Variants in XPO6 observed in about 807,000 individuals in gnomAD.
XPO6 encodes the protein exportin-6.
XPO6 carries 3 observed loss-of-function variants against 130.0 expected under a neutral mutation model. That is an observed-to-expected ratio of 0.02 (90% confidence interval 0.01 to 0.06). XPO6 has a LOEUF of 0.06. Among genes scored for constraint, XPO6 ranks in the 10% least tolerant of loss-of-function variants. The pLI is 1.00. For synonymous variants in XPO6, 524 were observed against 548.9 expected, an observed-to-expected ratio of 0.95 and a Z score of 0.63; for missense variants, 970 against 1,393.0, an observed-to-expected ratio of 0.70 and a Z score of 4.83.
In XPO6 at chr16:28,121,776, G is replaced by A. The variant is rs2087247497; in HGVS notation, c.1767-14C>T. ...ACTTTGACCAACCTGTTGGCAAAGA[G>A]GCAGGTAAACAAGAACATTCAGCTT... On this transcript the variant is annotated splice_polypyrimidine_tract_variant and intron_variant, in intron 13 of 23. Coordinates refer to ENST00000304658, the MANE Select transcript of XPO6 (RefSeq NM_015171.4). The A allele has an allele frequency of 6.3e-7, 1 of 1,576,156 alleles. No individual in the cohort carries two copies. The highest frequency in any genetic ancestry group is 8.7e-7 in the Non-Finnish European group (1 of 1,145,892).
chr16:28,202,166 T>C (rs918952595), intron 1 of XPO6, among the ~76,000 whole-genome samples: 3 of 152,170 alleles, frequency 2.0e-5, no homozygotes, highest in African/African-American at 7.2e-5. Flanking sequence ...AAGGTGTACT[T>C]TGGGAAGTCT....
chr16:28,172,831 T>C (rs2043474327), intron 4 of XPO6, among the ~76,000 whole-genome samples: 1 of 152,134 alleles, frequency 6.6e-6, no homozygotes, highest in South Asian at 2.1e-4. Context: ...GATCAAGTGA[T>C]GGTGAAATGG....
intron 17 of XPO6, 27 bp downstream of exon 17, chr16:28,111,790 A>G: frequency 6.2e-7 from 1 of 1,607,380 alleles, no homozygotes; most frequent in South Asian, 1.1e-5. Flanking sequence ...CTCCTTCCCC[A>G]GCTGTCCTAG....
intron 9 of XPO6, among the ~76,000 whole-genome samples, chr16:28,141,870 G>A (rs1038375141): frequency 6.6e-6 from 1 of 152,256 alleles, no homozygotes; most frequent in Non-Finnish European, 1.5e-5. Context: ...TGAGGCAGGA[G>A]AATGGTGTAA....
chr16:28,175,273 C>T (rs2043515530), intron 4 of XPO6, among the ~76,000 whole-genome samples: 3 of 152,130 alleles, frequency 2.0e-5, no homozygotes, highest in Admixed American at 1.3e-4. Flanking sequence ...CCTCTCACCT[C>T]GCCCCTCTGC....
At chr16:28,123,071 A>G (rs1379063736) in intron 13 of XPO6, among the ~76,000 whole-genome samples, 1 of 152,108 alleles carries the variant, frequency 6.6e-6, no homozygotes, top group Non-Finnish European at 1.5e-5. Flanking sequence ...GAAATGGGAA[A>G]TGCCTCTTTC....
chr16:28,156,262 C>T lies in XPO6; in HGVS notation c.909G>A (p.Gln303=). The T allele has an allele frequency of 6.2e-7, 1 of 1,614,176 alleles. No individual in the cohort carries two copies. The highest frequency in any genetic ancestry group is 8.5e-7 in the Non-Finnish European group (1 of 1,180,014). Residue 303 remains glutamine, a synonymous_variant, in exon 7 of 24, where the codon CAG becomes CAA. Coordinates refer to ENST00000304658, the MANE Select transcript of XPO6 (RefSeq NM_015171.4). ...CCAGGACCCCCAGCCGGCCGCGCTC[C>T]TGACCCGAGACACAGTTCTGGCTGC... ...NGSSQNCVSG[Q]ERGRLGVLAM... is the part of the protein sequence containing the mutation.
rs200663753 is a variant in XPO6, at chr16:28,209,640, C to CAA, written c.3+1724_3+1725dup. ...GGGCAACAACAGCTGAACTCCATCT[C>CAA]AAAAAAAAAAAAAAAAAAAGCATTA... On this transcript the variant is annotated intron_variant, in intron 1 of 23. Transcript: ENST00000304658. Among the ~76,000 whole-genome samples the CAA allele has an allele frequency of 2.8e-3, 121 of 42,850 alleles. 1 individual carries two copies. Among genetic ancestry groups the CAA allele is most frequent in the African/African-American group, 8.1e-3 (103 of 12,786 alleles). 28.1% of individuals were successfully genotyped at this position (42,850 alleles called of 152,430 possible).
chr16:28,166,588 A>AC lies in XPO6; in HGVS notation c.566-4dup. ...GTCCCAGACAGTCTCCAAGATACCT[A>AC]CCAAGAAAGGAGAAACAGAGTTATA... On this transcript the variant is annotated splice_region_variant and splice_polypyrimidine_tract_variant and intron_variant, in intron 5 of 23. Coordinates refer to ENST00000304658, the MANE Select transcript of XPO6 (RefSeq NM_015171.4). 1 of 1,579,652 alleles carries AC rather than the reference A, an allele frequency of 6.3e-7. No individual in the cohort carries two copies. The highest frequency in any genetic ancestry group is 8.6e-7 in the Non-Finnish European group (1 of 1,160,874).
chr16:28,205,353 T>C (rs9927626), intron 1 of XPO6, among the ~76,000 whole-genome samples: 87,430 of 152,018 alleles, frequency 0.58, 27,496 homozygotes, highest in South Asian at 0.72. Context: ...TATGTGACCT[T>C]TGTAACTGTC....
intron 13 of XPO6, among the ~76,000 whole-genome samples, chr16:28,123,291 T>C (rs963572890): frequency 6.6e-6 from 1 of 152,058 alleles, no homozygotes; most frequent in African/African-American, 2.4e-5. Flanking sequence ...GTCTTTTTAG[T>C]AGAGACAGGT....
chr16:28,187,778 T>C (rs922103636), intron 1 of XPO6, among the ~76,000 whole-genome samples: 2 of 151,128 alleles, frequency 1.3e-5, no homozygotes, highest in African/African-American at 4.9e-5. Context: ...ACAAGAAAAC[T>C]GTTGGTATCA....
intron 15 of XPO6, 21 bp from the exon 16 acceptor site, chr16:28,113,071 G>A (rs748171319): frequency 5.6e-6 from 9 of 1,609,846 alleles, no homozygotes; most frequent in Admixed American, 5.0e-5. Context: ...AAGAGGGCAC[G>A]TCAGCTCACC....
Position 28,132,244 on chromosome 16 carries a change from A to C in XPO6, c.1606+90T>G. 1.0e-6 allele frequency: 1 copy of C among 1,000,340 alleles called. No individual in the cohort carries two copies. The highest frequency in any genetic ancestry group is 1.5e-6 in the Non-Finnish European group (1 of 660,888). 62.0% of individuals were successfully genotyped at this position (1,000,340 alleles called of 1,614,324 possible). On this transcript the variant is annotated intron_variant, in intron 12 of 23. Transcript: ENST00000304658. The surrounding 1 kb of genome is among the most constrained non-coding windows in gnomAD (Gnocchi z 4.0). ...GTGGGGAGGCTGCAGTGAAGAAATCATGTTCCGACAGCAACGGCAGCAGTA... is the reference window on the plus strand; with the variant it reads ...GTGGGGAGGCTGCAGTGAAGAAATCCTGTTCCGACAGCAACGGCAGCAGTA...
chr16:28,209,697 C>G (rs1171801895), intron 1 of XPO6, among the ~76,000 whole-genome samples: 2 of 150,752 alleles, frequency 1.3e-5, no homozygotes, highest in African/African-American at 2.4e-5. Flanking sequence ...GGAATGAGTG[C>G]TACTTTCATT....
intron 1 of XPO6, chr16:28,183,536 C>T (rs2043650229): frequency 6.6e-6 from 1 of 151,062 alleles, no homozygotes; most frequent in African/African-American, 2.4e-5. Flanking sequence ...TGTTTCTCAA[C>T]AAGAACAAAT....
intron 1 of XPO6, among the ~76,000 whole-genome samples, chr16:28,188,705 GA>G (rs1382840946): frequency 3.2e-5 from 3 of 92,772 alleles, no homozygotes; most frequent in African/African-American, 7.8e-5. Context: ...AAAAAGGAGA[GA>G]AAAAAATCTT....
At chr16:28,155,577 A>G (rs2043171112) in intron 7 of XPO6, 1 of 157,738 alleles carries the variant, frequency 6.3e-6, no homozygotes. Context: ...TTTGATGAAA[A>G]CTTGCCATTG....
chr16:28,150,937 C>T (rs2043075361), intron 8 of XPO6, among the ~76,000 whole-genome samples: 1 of 152,228 alleles, frequency 6.6e-6, no homozygotes, highest in African/African-American at 2.4e-5. Context: ...TCTCCTCATG[C>T]TCTGCACGCA....
Sources: allele counts gnomAD v4.1 joint callset (sites outside exome capture counted in the v4.1 genomes callset), GRCh38; gene constraint gnomAD v4.1.1; non-coding constraint Gnocchi (gnomAD v3.1); transcripts MANE v1.5; gene names NCBI Gene and HGNC (gene_info 2026-07-23, HGNC 2026-07-21).